The following OGA variants were observed in gnomAD, a reference collection of about 807,000 sequenced individuals.
The protein encoded by OGA is protein O-GlcNAcase.
Under a neutral mutation model 102.0 loss-of-function variants are expected in OGA, and 21 were observed. That is an observed-to-expected ratio of 0.21 (90% CI 0.15 to 0.30). OGA has a LOEUF of 0.30. OGA is among the 10% of genes least tolerant of loss of function. OGA has a pLI of 1.00. For missense variants in OGA, 765 were observed against 1,107.8 expected (o/e 0.69, Z 4.39); for synonymous variants, 408 against 378.2 (o/e 1.08, Z -0.91).
rs1247846591 is a variant in OGA at position 101,810,273 on chromosome 10, T to C, written c.391A>G (p.Ile131Val). 1.2e-6 allele frequency: 2 copies of C among 1,612,216 alleles called. No individual in the cohort carries two copies. The highest frequency in any genetic ancestry group is 1.7e-6 in the Non-Finnish European group (2 of 1,178,468). The change falls in exon 4 of 16, where the codon ATA (isoleucine) becomes GTA (valine). Residue 131 changes from isoleucine (I) to valine (V), a missense_variant. Ile to Val is a conservative substitution (Grantham distance 29). This residue lies in a region of OGA where 165 missense variants were observed against 249.7 expected (regional missense o/e 0.66). Transcript: ENST00000361464. ...GGTGAGATCGCATAGATGAACTCTA[T>C]CTCATATTCTCGTGCAGCAGAGATG... ...TLISAAREYEIEFIYAISPGL... is the reference protein window; with the variant it reads ...TLISAAREYEVEFIYAISPGL...
At position 101,785,809 on chromosome 10, in the gene OGA, T is replaced by C. The variant is rs533246008; in HGVS notation, c.*642A>G. The C allele has an allele frequency of 2.0e-5, 3 of 152,468 alleles. No homozygotes were observed. Among genetic ancestry groups the C allele is most frequent in the East Asian group, 1.9e-4 (1 of 5,192 alleles). The allele number at this position is 152,468 out of a possible 1,614,324, so 9.4% of individuals were successfully genotyped here. A position where few individuals can be genotyped will look rare whatever the true frequency, so the allele number is the denominator to read the frequency against. On this transcript the variant is annotated 3_prime_UTR_variant, in exon 16 of 16. Coordinates refer to ENST00000361464, the MANE Select transcript of OGA (RefSeq NM_012215.5). Reference sequence around the variant, plus strand: ...ACAAAGAAATTTACAAGTTTGTCAATTGTAGGCTTTTGCCACAAACAAATG... The same window carrying C: ...ACAAAGAAATTTACAAGTTTGTCAACTGTAGGCTTTTGCCACAAACAAATG...
At chr10:101,807,681 T>C in intron 5 of OGA, 49 bp downstream of exon 5, 1 of 1,297,200 alleles carries the variant, frequency 7.7e-7, no homozygotes, top group Non-Finnish European at 1.0e-6. Flanking sequence ...CTTTATAAGT[T>C]ATATATTCCA....
At position 101,807,824 on chromosome 10, in the gene OGA, C is replaced by T. The variant is rs780086072; in HGVS notation, c.558G>A (p.Glu186=). Residue 186 remains glutamate (E), a synonymous_variant, in exon 5 of 16, where the codon GAG becomes GAA. Transcript: ENST00000361464. The part of the protein sequence containing the change: ...IDHNMCAADK[E]VFSSFAHAQV... ...GGGCATGAGCAAAAGAACTGAATAC[C>T]TCTTTGTCTGCTGCACACATATTAT... The T allele has an allele frequency of 1.2e-6, 2 of 1,610,756 alleles. No individual in the cohort carries two copies. The highest frequency in any genetic ancestry group is 1.7e-6 in the Non-Finnish European group (2 of 1,178,312).
chr10:101,799,553 G>A (rs1564644280), intron 8 of OGA, 98 bp from the exon 9 acceptor site: 2 of 1,275,650 alleles, frequency 1.6e-6, no homozygotes, highest in East Asian at 4.7e-5. Context: ...TATCATATTT[G>A]TTAAGTGGAA....
chr10:101,804,411 T>C (rs1350592138), intron 6 of OGA, among the ~76,000 whole-genome samples: 1 of 151,816 alleles, frequency 6.6e-6, no homozygotes, highest in Non-Finnish European at 1.5e-5. Flanking sequence ...TAGCTGGGAC[T>C]ACAGGCGCCC....
rs1011585330 is a variant in OGA at position 101,818,332 on chromosome 10, C to G, written c.-310G>C. ...AGAAGACGGCCAAGGGTCCTGTCCT[C>G]GTTCTCTGCCTCTGCTGCCCTCCCG... On this transcript the variant is annotated 5_prime_UTR_variant, in exon 1 of 16. Coordinates refer to ENST00000361464, the MANE Select transcript of OGA (RefSeq NM_012215.5). 8.7e-7 allele frequency: 1 copy of G among 1,155,030 alleles called. No homozygotes were observed. The highest frequency in any genetic ancestry group is 4.6e-5 in the East Asian group (1 of 21,908). 71.5% of individuals were successfully genotyped at this position (1,155,030 alleles called of 1,614,324 possible). A position where few individuals can be genotyped will look rare whatever the true frequency, so the allele number is the denominator to read the frequency against.
chr10:101,817,899 G>A lies in OGA; in HGVS notation c.124C>T (p.Pro42Ser). Reference protein sequence around the residue: ...PAAPAPGEDNPAGAGGAAVAG... With the variant: ...PAAPAPGEDNSAGAGGAAVAG... ...ACCGCCGCTCCCCCAGCCCCGGCGGGGTTGTCTTCTCCGGGTGCCGGAGCT... is the reference window on the plus strand; with the variant it reads ...ACCGCCGCTCCCCCAGCCCCGGCGGAGTTGTCTTCTCCGGGTGCCGGAGCT... The change falls in exon 1 of 16, where the codon CCC (proline) becomes TCC (serine). Residue 42 changes from proline (P) to serine (S), a missense_variant. Transcript: ENST00000361464. The A allele has an allele frequency of 6.4e-7, 1 of 1,564,698 alleles. No individual in the cohort carries two copies. Among genetic ancestry groups the A allele is most frequent in the Non-Finnish European group, 8.6e-7 (1 of 1,157,922 alleles).
intron 4 of OGA, 127 bp downstream of exon 4, chr10:101,810,057 C>G: frequency 9.6e-7 from 1 of 1,045,314 alleles, no homozygotes; most frequent in Admixed American, 2.9e-5. Context: ...AAAAACAAAA[C>G]AAACAAACAA....
intron 7 of OGA, among the ~76,000 whole-genome samples, chr10:101,802,273 C>T (rs1315356267): frequency 1.3e-5 from 2 of 152,212 alleles, no homozygotes; most frequent in Non-Finnish European, 2.9e-5. Context: ...CAAAAATAAT[C>T]ACTCTCTCCC....
At position 101,818,041 on chromosome 10, in the gene OGA, T is replaced by A. The variant is rs2065665991; in HGVS notation, c.-19A>T. 1.3e-6 allele frequency: 2 copies of A among 1,550,560 alleles called. No individual in the cohort carries two copies. The highest frequency in any genetic ancestry group is 1.7e-6 in the Non-Finnish European group (2 of 1,144,234). On this transcript the variant is annotated 5_prime_UTR_variant, in exon 1 of 16. Transcript: ENST00000361464. ...GCACCATCCTCCTGCCCCCGGCCGC[T>A]GCCACCTCTGCGGGTCCTCCTCGAC...
chr10:101,810,205 T>G lies in OGA; in HGVS notation c.459A>C (p.Thr153=), dbSNP rs1185306795. The G allele has an allele frequency of 1.2e-6, 2 of 1,611,578 alleles. No individual in the cohort carries two copies. The highest frequency in any genetic ancestry group is 3.4e-5 in the Admixed American group (2 of 59,666). ...TTACCTGGTCCAATTTACGTTTCAA[T>G]GTGGATACTTCCTTGGGGTTAGAAA... is the stretch of plus-strand genomic sequence containing the variant. The part of the protein sequence containing the change: ...ITFSNPKEVS[T]LKRKLDQVSQ... The change falls in exon 4 of 16, where the codon ACA becomes ACC. Residue 153 remains threonine (T), a synonymous_variant. Coordinates refer to ENST00000361464, the MANE Select transcript of OGA (RefSeq NM_012215.5).
At chr10:101,797,923 A>AT (rs768541409) in intron 10 of OGA, 57 bp downstream of exon 10, 21 of 1,534,420 alleles carry the variant, frequency 1.4e-5, no homozygotes, top group Non-Finnish European at 1.7e-5. Flanking sequence ...CTGTGGGATA[A>AT]TTTTTTTTAA....
At chr10:101,812,732 C>T (rs1255459188) in intron 3 of OGA, 1 of 452,322 alleles carries the variant, frequency 2.2e-6, no homozygotes, top group Admixed American at 2.9e-5. Flanking sequence ...CCAGCTCCAG[C>T]ACTTCTTTGC....
At chr10:101,797,918 G>C (rs757639038) in intron 10 of OGA, 62 bp downstream of exon 10, 2 of 1,503,686 alleles carry the variant, frequency 1.3e-6, no homozygotes, top group African/African-American at 2.8e-5. Context: ...TCTCCCTGTG[G>C]GATAATTTTT....
At chr10:101,801,943 G>A (rs1229976082) in intron 7 of OGA, among the ~76,000 whole-genome samples, 5 of 151,972 alleles carry the variant, frequency 3.3e-5, no homozygotes, top group African/African-American at 7.3e-5. Flanking sequence ...TCAGGAGTTC[G>A]AGACCAGCCT....
chr10:101,813,452 C>A (rs941312162), intron 2 of OGA, 103 bp downstream of exon 2: 3 of 742,148 alleles, frequency 4.0e-6, no homozygotes, highest in South Asian at 2.1e-5. Flanking sequence ...ATTGAGAAAC[C>A]ATCAAAATGC....
intron 3 of OGA, among the ~76,000 whole-genome samples, chr10:101,810,872 T>C (rs1237130260): frequency 6.6e-6 from 1 of 152,150 alleles, no homozygotes; most frequent in Non-Finnish European, 1.5e-5. Flanking sequence ...TTTTGTTTAG[T>C]AGAGATGAGG....
At chr10:101,793,348 C>T (rs2065280041) in intron 11 of OGA, among the ~76,000 whole-genome samples, 2 of 152,148 alleles carry the variant, frequency 1.3e-5, no homozygotes, top group Admixed American at 6.5e-5. Context: ...GTCCAGGAGA[C>T]GCTTTATCCC....
chr10:101,802,978 T>TA (rs764237378), intron 7 of OGA, among the ~76,000 whole-genome samples: 1,057 of 68,558 alleles, frequency 0.015, 30 homozygotes, highest in Non-Finnish European at 0.017. Flanking sequence ...GTCTCTACTT[T>TA]AAAAAAAAAA....
Sources: allele counts gnomAD v4.1 joint callset (sites outside exome capture counted in the v4.1 genomes callset), GRCh38; gene constraint gnomAD v4.1.1; regional missense constraint gnomAD v4.1.1; transcripts MANE v1.5; gene names NCBI Gene and HGNC (gene_info 2026-07-23, HGNC 2026-07-21).